The following ATXN3 variants were observed in gnomAD, a reference collection of about 807,000 sequenced individuals.
The protein encoded by ATXN3 is ataxin 3, also known as ataxin-3.
In ATXN3, 28 loss-of-function variants were observed where a neutral mutation model predicts 58.2. That is an observed-to-expected ratio of 0.48 (90% confidence interval 0.36 to 0.66). The LOEUF is 0.66. ATXN3 is among the 30% of genes least tolerant of loss of function. The pLI, the probability that ATXN3 is intolerant of heterozygous loss-of-function variation, is 0.00. For synonymous variants in ATXN3, 113 were observed against 138.5 expected, an observed-to-expected ratio of 0.82 and a Z score of 1.29; for missense variants, 321 against 422.1, an observed-to-expected ratio of 0.76 and a Z score of 2.10.
intron 10 of ATXN3, among the ~76,000 whole-genome samples, chr14:92,070,305 C>T (rs995888766): frequency 2.0e-5 from 3 of 152,150 alleles, no homozygotes; most frequent in Admixed American, 6.5e-5. Flanking sequence ...TCTGGCCGGA[C>T]GTGATGGCTC....
chr14:92,088,643 AAC>A (rs2063107550), intron 6 of ATXN3, 85 bp downstream of exon 6: 16 of 964,790 alleles, frequency 1.7e-5, no homozygotes, highest in Middle Eastern at 2.2e-4. Context: ...CTGCCAGAAA[AAC>A]AGTTTTATCA....
rs1247628485 is a variant in ATXN3 at position 92,059,565 on chromosome 14, A to C, written c.*4755T>G. 1 of 152,376 alleles carries C rather than the reference A, an allele frequency of 6.6e-6. No individual in the cohort carries two copies. The highest frequency in any genetic ancestry group is 2.4e-5 in the African/African-American group (1 of 41,440). 9.4% of individuals were successfully genotyped at this position (152,376 alleles called of 1,614,324 possible). ...GCCGGGTGTGGTGGCCTGCACCTGT[A>C]ATCCCAGCACTTTGGGAGGCCAAGG... On this transcript the variant is annotated 3_prime_UTR_variant, in exon 11 of 11. Transcript: ENST00000644486.
At chr14:92,084,103 C>T (rs2061949153) in intron 6 of ATXN3, among the ~76,000 whole-genome samples, 2 of 152,292 alleles carry the variant, frequency 1.3e-5, no homozygotes, top group Non-Finnish European at 2.9e-5. Flanking sequence ...GGACTGGCTT[C>T]CTGGTTCCTC....
intron 9 of ATXN3, among the ~76,000 whole-genome samples, chr14:92,077,348 CTTTCT>C (rs1393751591): frequency 8.5e-6 from 1 of 117,988 alleles, no homozygotes; most frequent in Non-Finnish European, 1.7e-5. Flanking sequence ...TGAGAGTATG[CTTTCT>C]TTTTTTTTTT....
chr14:92,086,403 C>G (rs2062544220), intron 6 of ATXN3, among the ~76,000 whole-genome samples: 1 of 151,762 alleles, frequency 6.6e-6, no homozygotes, highest in African/African-American at 2.4e-5. Flanking sequence ...TCCATCTCTA[C>G]TAAAATACAA....
downstream of ATXN3, among the ~76,000 whole-genome samples, chr14:92,054,085 C>T (rs139080335): frequency 2.0e-5 from 3 of 152,304 alleles, no homozygotes; most frequent in African/African-American, 4.8e-5. Flanking sequence ...TAGGCGCACA[C>T]CAACCACGCC....
chr14:92,079,567 T>TTGACAG, intron 9 of ATXN3: 2 of 310,176 alleles, frequency 6.4e-6, no homozygotes, highest in Non-Finnish European at 4.7e-6. Flanking sequence ...ATACTGTCAA[T>TTGACAG]TATGACTGTA....
At chr14:92,055,264 A>G (rs68120261), downstream of ATXN3, among the ~76,000 whole-genome samples, 43,194 of 151,808 alleles carry the variant, frequency 0.28, 6,511 homozygotes, top group African/African-American at 0.39. This position sits in a 1 kb window ranked among gnomAD's most constrained non-coding sequence, Gnocchi z 4.5. Context: ...GGGTTTATAT[A>G]TTTTTCTTTA....
At position 92,093,729 on chromosome 14, in the gene ATXN3, G is replaced by C; in HGVS notation, c.320+17C>G. On this transcript the variant is annotated intron_variant, in intron 4 of 10. Transcript: ENST00000644486. ...ATTTGGGAAAAGAAATGTATGAAAT[G>C]CAAAACAGAATCTTACATAGGATCG... 6.5e-7 allele frequency: 1 copy of C among 1,542,184 alleles called. No homozygotes were observed. Among genetic ancestry groups the C allele is most frequent in the Non-Finnish European group, 8.8e-7 (1 of 1,131,544 alleles).
chr14:92,103,515 A>T (rs978972140), intron 1 of ATXN3, among the ~76,000 whole-genome samples: 2 of 152,006 alleles, frequency 1.3e-5, no homozygotes, highest in African/African-American at 2.4e-5. Flanking sequence ...GGCTCACTAC[A>T]GCCTCGACCT....
rs1418207108 is a variant in ATXN3, at chr14:92,059,070, G to A, written c.*5250C>T. On this transcript the variant is annotated 3_prime_UTR_variant, in exon 11 of 11. Coordinates refer to ENST00000644486, the MANE Select transcript of ATXN3 (RefSeq NM_004993.6). ...TTTTACTAATGTTTCTCATTGCTTT[G>A]TCTATGAATCCACAGGCTTAAAATG... 1 of 151,686 alleles carries A rather than the reference G, an allele frequency of 6.6e-6. No homozygotes were observed. Among genetic ancestry groups the A allele is most frequent in the Non-Finnish European group, 1.5e-5 (1 of 67,980 alleles). 9.4% of individuals were successfully genotyped at this position (151,686 alleles called of 1,614,324 possible).
chr14:92,083,012 G>A (rs1303322028), intron 7 of ATXN3, 114 bp downstream of exon 7: 2 of 1,280,336 alleles, frequency 1.6e-6, no homozygotes, highest in Non-Finnish European at 2.1e-6. Context: ...AAAATATAAG[G>A]TCCAAAATAG....
chr14:92,102,317 AT>A (rs1484011211), intron 1 of ATXN3, among the ~76,000 whole-genome samples: 2 of 150,370 alleles, frequency 1.3e-5, no homozygotes, highest in Non-Finnish European at 3.0e-5. Context: ...AAAAAAAAAA[AT>A]AAAAGAAATT....
Position 92,071,261 on chromosome 14 carries a change from A to G in ATXN3, c.873-208T>C, listed in dbSNP as rs911557580. 17 of 867,786 alleles carry G rather than the reference A, an allele frequency of 2.0e-5. No homozygotes were observed. In the African/African-American group the frequency reaches 2.7e-4, roughly 14 times the overall value. The allele number at this position is 867,786 out of a possible 1,614,324, so 53.8% of individuals were successfully genotyped here. ...TAGGAAATCTAGACATAAAATTTAAATTTATCAGACAAATTAAGAGGTAGG... is the reference window on the plus strand; with the variant it reads ...TAGGAAATCTAGACATAAAATTTAAGTTTATCAGACAAATTAAGAGGTAGG... On this transcript the variant is annotated intron_variant, in intron 9 of 10. Transcript: ENST00000644486.
chr14:92,048,518 A>T (rs566547202), intron 1 of ATXN3, among the ~76,000 whole-genome samples: 1 of 152,380 alleles, frequency 6.6e-6, no homozygotes, highest in South Asian at 2.1e-4. Flanking sequence ...GTTGCCAAAC[A>T]GGCCATGAAC....
At chr14:92,051,332 C>G (rs565403814), upstream of ATXN3, among the ~76,000 whole-genome samples, 3 of 152,246 alleles carry the variant, frequency 2.0e-5, no homozygotes, top group South Asian at 4.1e-4. Context: ...TCCATTACTA[C>G]AGAATCTTTC....
At chr14:92,077,825 T>C (rs902134216) in intron 9 of ATXN3, among the ~76,000 whole-genome samples, 6 of 151,784 alleles carry the variant, frequency 4.0e-5, no homozygotes, top group Non-Finnish European at 7.4e-5. Context: ...TTTTGTATTT[T>C]TAGTAGAGAC....
chr14:92,055,106 T>C (rs1256187384), downstream of ATXN3, among the ~76,000 whole-genome samples: 1 of 152,152 alleles, frequency 6.6e-6, no homozygotes, highest in Admixed American at 6.5e-5. The surrounding 1 kb of genome is among the most constrained non-coding windows in gnomAD (Gnocchi z 4.5). Flanking sequence ...GGTCTCAAAC[T>C]CGTGACCTCG....
chr14:92,070,024 A>C (rs2059159439), intron 10 of ATXN3, among the ~76,000 whole-genome samples: 1 of 152,078 alleles, frequency 6.6e-6, no homozygotes, highest in Non-Finnish European at 1.5e-5. Context: ...ATTTGGTGAA[A>C]TATCTTTTCA....
Sources: allele counts gnomAD v4.1 joint callset (sites outside exome capture counted in the v4.1 genomes callset), GRCh38; gene constraint gnomAD v4.1.1; non-coding constraint Gnocchi (gnomAD v3.1); transcripts MANE v1.5; gene names NCBI Gene and HGNC (gene_info 2026-07-23, HGNC 2026-07-21).